Variants in LYPLAL1 observed in about 807,000 individuals in gnomAD.
The protein encoded by LYPLAL1 is lysophospholipase like 1.
In LYPLAL1, 23 loss-of-function variants were observed where a neutral mutation model predicts 19.7. That is an observed-to-expected ratio of 1.17 (90% CI 0.84 to 1.65). LYPLAL1 has a LOEUF of 1.65. LYPLAL1 is among the 40% of genes most tolerant of loss of function. The pLI, the probability that LYPLAL1 is intolerant of heterozygous loss-of-function variation, is 0.00. For synonymous variants in LYPLAL1, 119 were observed against 96.3 expected (o/e 1.24, Z -1.38); for missense variants, 355 against 279.4 (o/e 1.27, Z -1.93).
At chr1:219,269,265 CTTTTGCTTATGT>C in the LYPLAL1 span, among the ~76,000 whole-genome samples, 1 of 152,116 alleles carries the variant, frequency 6.6e-6, no homozygotes, top group Admixed American at 6.5e-5. Context: ...TAGCTAACTG[CTTTTGCTTATGT>C]AGTATATATT....
At chr1:219,285,892 T>C in the LYPLAL1 span, among the ~76,000 whole-genome samples, 24 of 152,162 alleles carry the variant, frequency 1.6e-4, no homozygotes, top group Admixed American at 1.5e-3. Context: ...AATTTCATCT[T>C]TTTCTCCTTC....
At chr1:219,327,015 C>T in the LYPLAL1 span, among the ~76,000 whole-genome samples, 1 of 152,164 alleles carries the variant, frequency 6.6e-6, no homozygotes, top group Non-Finnish European at 1.5e-5. Context: ...GGGGGAATCG[C>T]TTGAACCCAT....
chr1:219,301,060 A>AC, the LYPLAL1 span, among the ~76,000 whole-genome samples: 2 of 151,942 alleles, frequency 1.3e-5, no homozygotes, highest in African/African-American at 4.8e-5. Context: ...CACCTCTAAA[A>AC]AAAAAAAAGA....
the LYPLAL1 span, among the ~76,000 whole-genome samples, chr1:219,316,255 CT>C: frequency 6.6e-6 from 1 of 152,090 alleles, no homozygotes; most frequent in African/African-American, 2.4e-5. Flanking sequence ...CATTGATTGA[CT>C]TTTTTAAGTT....
chr1:219,174,213 G>A (rs1655613771), intron 1 of LYPLAL1: 1 of 1,401,148 alleles, frequency 7.1e-7, no homozygotes, highest in Admixed American at 3.0e-5. Context: ...CCTCGCTTTG[G>A]GGCCTTGTGT....
At chr1:219,424,240 T>C in the LYPLAL1 span, among the ~76,000 whole-genome samples, 2 of 152,126 alleles carry the variant, frequency 1.3e-5, no homozygotes, top group Non-Finnish European at 2.9e-5. Flanking sequence ...AATAAAACTA[T>C]AAACTTAGCA....
chr1:219,177,821 C>A (rs1164420359), intron 1 of LYPLAL1, among the ~76,000 whole-genome samples: 2 of 152,200 alleles, frequency 1.3e-5, no homozygotes, highest in Admixed American at 6.5e-5. Flanking sequence ...CCTTTAGAAT[C>A]ATGCCAACCT....
chr1:219,304,670 A>G, the LYPLAL1 span, among the ~76,000 whole-genome samples: 3 of 152,204 alleles, frequency 2.0e-5, no homozygotes, highest in Admixed American at 6.5e-5. Flanking sequence ...TAAATTGTGT[A>G]GTGAAAGTAA....
chr1:219,428,414 C>CT, the LYPLAL1 span, among the ~76,000 whole-genome samples: 4 of 152,192 alleles, frequency 2.6e-5, no homozygotes, highest in Non-Finnish European at 5.9e-5. Context: ...TTATAACAGT[C>CT]TTTATTCTCA....
the LYPLAL1 span, among the ~76,000 whole-genome samples, chr1:219,370,289 C>T: frequency 6.6e-6 from 1 of 152,180 alleles, no homozygotes; most frequent in African/African-American, 2.4e-5. Context: ...TCTCTGTGCC[C>T]TCTCACTGCA....
At chr1:219,432,911 C>T in the LYPLAL1 span, among the ~76,000 whole-genome samples, 1 of 152,184 alleles carries the variant, frequency 6.6e-6, no homozygotes, top group African/African-American at 2.4e-5. Flanking sequence ...ACACATACAA[C>T]AGGTTCCATG....
chr1:219,334,913 A>G, the LYPLAL1 span, among the ~76,000 whole-genome samples: 3 of 151,952 alleles, frequency 2.0e-5, no homozygotes, highest in Non-Finnish European at 4.4e-5. Flanking sequence ...AATGAAAAGG[A>G]GAATTTGTAT....
At chr1:219,269,202 A>G in the LYPLAL1 span, among the ~76,000 whole-genome samples, 11 of 152,318 alleles carry the variant, frequency 7.2e-5, no homozygotes, top group East Asian at 2.1e-3. Flanking sequence ...TGAAGATGGG[A>G]GAAGGATGCA....
chr1:219,296,733 T>C, the LYPLAL1 span, among the ~76,000 whole-genome samples: 16 of 152,222 alleles, frequency 1.1e-4, no homozygotes, highest in South Asian at 2.1e-4. Context: ...CTTCCAACAT[T>C]AGTTAATATT....
the LYPLAL1 span, among the ~76,000 whole-genome samples, chr1:219,300,261 G>A: frequency 6.6e-6 from 1 of 152,098 alleles, no homozygotes; most frequent in Non-Finnish European, 1.5e-5. Flanking sequence ...TGGGATACAG[G>A]TGTGAGCCAC....
At chr1:219,215,523 C>G (rs1659262074), downstream of LYPLAL1, among the ~76,000 whole-genome samples, 1 of 152,034 alleles carries the variant, frequency 6.6e-6, no homozygotes, top group Non-Finnish European at 1.5e-5. Context: ...TTTACTCACA[C>G]CCATGGTGAT....
chr1:219,291,109 A>T, the LYPLAL1 span, among the ~76,000 whole-genome samples: 4 of 152,216 alleles, frequency 2.6e-5, no homozygotes, highest in Non-Finnish European at 5.9e-5. Context: ...GCCTAAAATA[A>T]CACTTGGTAT....
At chr1:219,214,338 G>C (rs1027061356), downstream of LYPLAL1, among the ~76,000 whole-genome samples, 3 of 152,032 alleles carry the variant, frequency 2.0e-5, no homozygotes, top group Non-Finnish European at 1.5e-5. Context: ...GTTTTTGCTT[G>C]TTTTGTACTA....
chr1:219,260,717 T>TAC, the LYPLAL1 span, among the ~76,000 whole-genome samples: 2 of 150,082 alleles, frequency 1.3e-5, no homozygotes, highest in Admixed American at 6.7e-5. Flanking sequence ...CATGCATAAA[T>TAC]ACACACACAT....
Sources: allele counts gnomAD v4.1 joint callset (sites outside exome capture counted in the v4.1 genomes callset), GRCh38; gene constraint gnomAD v4.1.1; transcripts MANE v1.5; gene names NCBI Gene and HGNC (gene_info 2026-07-23, HGNC 2026-07-21).